Variants in GABRG3 observed in about 807,000 individuals in gnomAD.
The protein encoded by GABRG3 is gamma-aminobutyric acid receptor subunit gamma-3.
Under a neutral mutation model 48.8 loss-of-function variants are expected in GABRG3, and 25 were observed. The ratio of observed to expected loss-of-function variants is 0.51; its 90% CI spans 0.37 to 0.72. The LOEUF (loss-of-function observed/expected upper bound fraction) is 0.72. Ranked by LOEUF, GABRG3 falls within the 30% of genes least tolerant of loss-of-function variation. The pLI, the probability that GABRG3 is intolerant of heterozygous loss-of-function variation, is 0.00. For synonymous variants in GABRG3, 227 were observed against 217.6 expected (o/e 1.04, Z -0.38); for missense variants, 394 against 577.9 (o/e 0.68, Z 3.26).
chr15:27,307,296 T>C (rs1444033867), intron 3 of GABRG3, among the ~76,000 whole-genome samples: 2 of 142,800 alleles, frequency 1.4e-5, no homozygotes, highest in Non-Finnish European at 1.5e-5. Flanking sequence ...TTTATATATG[T>C]TTATATATAA....
chr15:26,988,843 CAATT>C (rs1342137529), intron 2 of GABRG3, among the ~76,000 whole-genome samples: 1 of 152,096 alleles, frequency 6.6e-6, no homozygotes, highest in East Asian at 1.9e-4. Context: ...AGTCTACCTT[CAATT>C]AATATTATAC....
rs1027803001 is a variant in GABRG3 at position 27,537,001 on chromosome 15, C to T, written c.*4120C>T. 6.6e-6 allele frequency: 1 copy of T among 152,020 alleles called. No individual in the cohort carries two copies. The highest frequency in any genetic ancestry group is 6.6e-5 in the Admixed American group (1 of 15,258). 9.4% of individuals were successfully genotyped at this position (152,020 alleles called of 1,614,324 possible). ...CCAACCATTATTCTTATCACCGTAT[C>T]GGTTCAGTGCTCTCAAGGCACAAAG... On this transcript the variant is annotated 3_prime_UTR_variant, in exon 10 of 10. Coordinates refer to ENST00000615808, the MANE Select transcript of GABRG3 (RefSeq NM_033223.5).
In GABRG3 at chr15:27,534,709, C is replaced by A. The variant is rs1000332369; in HGVS notation, c.*1828C>A. On this transcript the variant is annotated 3_prime_UTR_variant, in exon 10 of 10. Transcript: ENST00000615808. ...TACCAGACACAGAAGAGGATGGGAG[C>A]AGAAGAGGCCAGAAAAAGTGAAATT... The A allele has an allele frequency of 2.6e-5, 4 of 152,156 alleles. No individual in the cohort carries two copies. The highest frequency in any genetic ancestry group is 9.7e-5 in the African/African-American group (4 of 41,434). 9.4% of individuals were successfully genotyped at this position (152,156 alleles called of 1,614,324 possible). A position where few individuals can be genotyped will look rare whatever the true frequency, so the allele number is the denominator to read the frequency against.
chr15:27,388,465 G>A (rs1407850311), intron 5 of GABRG3, among the ~76,000 whole-genome samples: 1 of 151,408 alleles, frequency 6.6e-6, no homozygotes, highest in Non-Finnish European at 1.5e-5. Flanking sequence ...AAACATTGCT[G>A]TTGGATTTGC....
chr15:27,315,075 G>A (rs1052693600), intron 3 of GABRG3, among the ~76,000 whole-genome samples: 4 of 152,038 alleles, frequency 2.6e-5, no homozygotes, highest in African/African-American at 2.4e-5. Flanking sequence ...TGTACTTACC[G>A]CAGTAAAATA....
chr15:27,403,911 A>AAAAAAT (rs1887547641), intron 5 of GABRG3, among the ~76,000 whole-genome samples: 1 of 125,984 alleles, frequency 7.9e-6, no homozygotes, highest in African/African-American at 4.1e-5. Flanking sequence ...ACTCAAAAAA[A>AAAAAAT]AACAAAAAAA....
intron 3 of GABRG3, among the ~76,000 whole-genome samples, chr15:27,320,948 C>T (rs1187638361): frequency 6.6e-5 from 10 of 152,296 alleles, no homozygotes; most frequent in African/African-American, 2.2e-4. Context: ...AGGGGAGCCA[C>T]GTGCCCCTCT....
chr15:27,232,388 T>C (rs930091595), intron 3 of GABRG3, among the ~76,000 whole-genome samples: 2 of 151,982 alleles, frequency 1.3e-5, no homozygotes, highest in Admixed American at 1.3e-4. Context: ...TCAAGGTGAG[T>C]GTGGTGTGAG....
At chr15:27,072,374 T>C (rs1896843095) in intron 3 of GABRG3, among the ~76,000 whole-genome samples, 1 of 152,130 alleles carries the variant, frequency 6.6e-6, no homozygotes, top group Admixed American at 6.5e-5. Context: ...TTTTCTTCAT[T>C]CCTTCATTTC....
intron 3 of GABRG3, among the ~76,000 whole-genome samples, chr15:27,304,140 A>G (rs1057256643): frequency 6.6e-6 from 1 of 151,988 alleles, no homozygotes; most frequent in Admixed American, 6.6e-5. Flanking sequence ...TTAATTGTGC[A>G]GCATTGAAAG....
chr15:27,279,535 A>G (rs1361465336), intron 3 of GABRG3, among the ~76,000 whole-genome samples: 1 of 152,208 alleles, frequency 6.6e-6, no homozygotes, highest in Admixed American at 6.5e-5. Context: ...TCTTCAAACG[A>G]ATTGCTTTTG....
chr15:27,008,986 C>T (rs945515134), intron 2 of GABRG3, among the ~76,000 whole-genome samples: 4 of 152,044 alleles, frequency 2.6e-5, no homozygotes, highest in African/African-American at 7.2e-5. Context: ...AGGGGTGGGA[C>T]GGGGCGAGGA....
chr15:27,095,129 A>T (rs1897250301), intron 3 of GABRG3, among the ~76,000 whole-genome samples: 2 of 152,164 alleles, frequency 1.3e-5, no homozygotes, highest in Non-Finnish European at 2.9e-5. Flanking sequence ...TCAGTTTTTT[A>T]AAAAATGACA....
chr15:27,333,078 G>C (rs1893853718), intron 5 of GABRG3, among the ~76,000 whole-genome samples: 2 of 152,140 alleles, frequency 1.3e-5, no homozygotes, highest in South Asian at 4.1e-4. Context: ...AATTAAAAGT[G>C]ATTTTGATAT....
chr15:27,071,676 C>T (rs1038908011), intron 3 of GABRG3, among the ~76,000 whole-genome samples: 2 of 152,054 alleles, frequency 1.3e-5, no homozygotes, highest in African/African-American at 2.4e-5. Flanking sequence ...TCTCCCTCAG[C>T]GATAAAGCAA....
chr15:27,337,350 A>T (rs1275576374), intron 5 of GABRG3, among the ~76,000 whole-genome samples: 1 of 152,238 alleles, frequency 6.6e-6, no homozygotes, highest in African/African-American at 2.4e-5. Context: ...AGTTAATTTT[A>T]CTGCATTTTA....
intron 3 of GABRG3, among the ~76,000 whole-genome samples, chr15:27,112,233 A>G (rs1897564077): frequency 6.6e-6 from 1 of 152,076 alleles, no homozygotes; most frequent in Admixed American, 6.5e-5. Context: ...TCCACATTTT[A>G]GGGTAACAGT....
chr15:27,159,845 A>G (rs763472719), intron 3 of GABRG3, among the ~76,000 whole-genome samples: 3 of 152,204 alleles, frequency 2.0e-5, no homozygotes, highest in African/African-American at 7.2e-5. Context: ...ATGTTTGTCC[A>G]GAAGGCGATT....
chr15:27,111,885 A>G (rs967998686), intron 3 of GABRG3, among the ~76,000 whole-genome samples: 2 of 152,142 alleles, frequency 1.3e-5, no homozygotes, highest in Non-Finnish European at 2.9e-5. Context: ...TTCACAGTTC[A>G]GCTCTTGCAA....
Sources: allele counts gnomAD v4.1 joint callset (sites outside exome capture counted in the v4.1 genomes callset), GRCh38; gene constraint gnomAD v4.1.1; transcripts MANE v1.5; gene names NCBI Gene and HGNC (gene_info 2026-07-23, HGNC 2026-07-21).